The following MYO16 variants were observed in gnomAD, a reference collection of about 807,000 sequenced individuals.
MYO16 encodes the protein myosin XVI.
In MYO16, 94 loss-of-function variants were observed where a neutral mutation model predicts 205.3. That is an observed-to-expected ratio of 0.46 (90% CI 0.39 to 0.54). The LOEUF (loss-of-function observed/expected upper bound fraction) is 0.54, where lower values mean the gene tolerates loss of function less well. Ranked by LOEUF, MYO16 falls within the 20% of genes least tolerant of loss-of-function variation. The pLI is 0.00. For synonymous variants in MYO16, 988 were observed against 954.0 expected (o/e 1.04, Z -0.66); for missense variants, 2,315 against 2,387.5 (o/e 0.97, Z 0.63).
intron 2 of MYO16, among the ~76,000 whole-genome samples, chr13:108,701,782 A>G (rs1292531953): frequency 1.3e-5 from 2 of 152,160 alleles, no homozygotes; most frequent in Non-Finnish European, 1.5e-5. Flanking sequence ...GATCATAAAA[A>G]TGTTCAAATA....
intron 2 of MYO16, among the ~76,000 whole-genome samples, chr13:108,692,439 A>C (rs1364541968): frequency 6.6e-6 from 1 of 152,196 alleles, no homozygotes; most frequent in Non-Finnish European, 1.5e-5. Context: ...AATACTGTTG[A>C]TTTTGCCTTT....
intron 9 of MYO16, among the ~76,000 whole-genome samples, chr13:108,836,550 A>C (rs1384011652): frequency 6.6e-6 from 1 of 152,126 alleles, no homozygotes; most frequent in African/African-American, 2.4e-5. Flanking sequence ...TGCACCATGC[A>C]CCTGGAAAAG....
intron 2 of MYO16, among the ~76,000 whole-genome samples, chr13:108,712,120 T>C (rs1883746363): frequency 6.6e-6 from 1 of 152,214 alleles, no homozygotes; most frequent in Non-Finnish European, 1.5e-5. Context: ...AATTGGTATA[T>C]AGTTTGATGT....
Position 109,127,331 on chromosome 13 carries a change from G to T in MYO16, c.3832G>T (p.Val1278Phe). 1 of 1,610,010 alleles carries T rather than the reference G, an allele frequency of 6.2e-7. No homozygotes were observed. Among genetic ancestry groups the T allele is most frequent in the Non-Finnish European group, 8.5e-7 (1 of 1,176,868 alleles). ...GCATTTCCACCCCAGCTCCATGTCA[G>T]TCTGCGCGGCCGTGGATGGCCTGGG... Reference protein sequence around the residue: ...PRHFHPSSMSVCAAVDGLGQC... With the variant: ...PRHFHPSSMSFCAAVDGLGQC... The change falls in exon 31 of 35, where the codon GTC (valine) becomes TTC (phenylalanine). Residue 1278 changes from valine (V) to phenylalanine (F), a missense_variant. By Grantham distance (50) the Val-to-Phe change is conservative (BLOSUM62 -1). This residue lies in a region of MYO16 where 1,097 missense variants were observed against 1,092.0 expected (regional missense o/e 1.00). Coordinates refer to ENST00000457511, the MANE Select transcript of MYO16 (RefSeq NM_001198950.3). This position sits in a 1 kb window ranked among gnomAD's most constrained non-coding sequence, Gnocchi z 4.2.
chr13:108,593,572 G>A (rs748458659), upstream of MYO16, among the ~76,000 whole-genome samples: 1 of 152,262 alleles, frequency 6.6e-6, no homozygotes, highest in Non-Finnish European at 1.5e-5. Flanking sequence ...AAAGACTATG[G>A]TTTACATAGT....
At position 109,140,509 on chromosome 13, in the gene MYO16, G is replaced by C. The variant is rs1463338440; in HGVS notation, c.4297G>C (p.Val1433Leu). The C allele has an allele frequency of 1.9e-6, 3 of 1,552,168 alleles. No individual in the cohort carries two copies. The highest frequency in any genetic ancestry group is 1.7e-6 in the Non-Finnish European group (2 of 1,157,366). Residue 1433 changes from valine to leucine, a missense_variant, in exon 32 of 35, where the codon GTG becomes CTG. By Grantham distance (32) the Val-to-Leu change is conservative (BLOSUM62 1). This residue lies in a region of MYO16 where 1,097 missense variants were observed against 1,092.0 expected (regional missense o/e 1.00). Coordinates refer to ENST00000457511, the MANE Select transcript of MYO16 (RefSeq NM_001198950.3). This position sits in a 1 kb window ranked among gnomAD's most constrained non-coding sequence, Gnocchi z 8.0. ...GGGTGACGAGGACGACAGCGAGCCT[G>C]TGTACATCGAGATGCTGGGGCACGC... The part of the protein sequence containing the change: ...PPGDEDDSEP[V>L]YIEMLGHAAR...
chr13:108,846,506 G>A (rs1377920469), intron 10 of MYO16, among the ~76,000 whole-genome samples: 1 of 124,172 alleles, frequency 8.1e-6, no homozygotes, highest in Non-Finnish European at 1.7e-5. Flanking sequence ...ATACATGTGT[G>A]TATATACATA....
intron 9 of MYO16, among the ~76,000 whole-genome samples, chr13:108,836,064 T>C (rs920834700): frequency 3.3e-5 from 5 of 152,108 alleles, no homozygotes; most frequent in Admixed American, 2.6e-4. Context: ...GCAGCCCCTC[T>C]CATCACAGGC....
chr13:109,183,542 C>T (rs144061051), intron 34 of MYO16, among the ~76,000 whole-genome samples: 1 of 152,318 alleles, frequency 6.6e-6, no homozygotes, highest in Admixed American at 6.5e-5. Context: ...CATAGGCTAT[C>T]TCTATTTATG....
At chr13:108,759,113 CT>C (rs1885514159) in intron 4 of MYO16, among the ~76,000 whole-genome samples, 1 of 152,064 alleles carries the variant, frequency 6.6e-6, no homozygotes, top group African/African-American at 2.4e-5. Context: ...ATGAAAATCA[CT>C]CTTTGACAAA....
chr13:108,629,060 G>T (rs923370886), upstream of MYO16, among the ~76,000 whole-genome samples: 4 of 152,116 alleles, frequency 2.6e-5, no homozygotes, highest in African/African-American at 7.2e-5. Flanking sequence ...CATCCAGTTG[G>T]GTTGTACAGT....
the MYO16 span, among the ~76,000 whole-genome samples, chr13:108,516,482 G>A: frequency 3.3e-5 from 5 of 152,104 alleles, no homozygotes; most frequent in South Asian, 8.3e-4. Context: ...GTTCCTATTC[G>A]GCCATCTTGG....
chr13:108,788,263 G>A (rs746485465), intron 5 of MYO16, among the ~76,000 whole-genome samples: 9 of 152,040 alleles, frequency 5.9e-5, no homozygotes, highest in Non-Finnish European at 1.2e-4. Context: ...TGTCACCACC[G>A]ACTTACACTG....
chr13:108,833,602 T>G (rs1165505308), intron 9 of MYO16, among the ~76,000 whole-genome samples: 1 of 152,182 alleles, frequency 6.6e-6, no homozygotes, highest in African/African-American at 2.4e-5. Context: ...TATGGTTTTC[T>G]AAGATTGCTT....
chr13:108,897,950 C>T, intron 14 of MYO16, 66 bp from the exon 15 acceptor site: 1 of 1,218,894 alleles, frequency 8.2e-7, no homozygotes, highest in Non-Finnish European at 1.2e-6. Flanking sequence ...TGCATCGTCG[C>T]TATTACTCAT....
chr13:108,798,172 G>A (rs1236560613), intron 6 of MYO16, among the ~76,000 whole-genome samples: 1 of 152,256 alleles, frequency 6.6e-6, no homozygotes, highest in South Asian at 2.1e-4. Context: ...TCATTTCCTT[G>A]TGTTTTCTGT....
chr13:108,575,584 C>A, the MYO16 span, among the ~76,000 whole-genome samples: 12 of 152,144 alleles, frequency 7.9e-5, no homozygotes, highest in East Asian at 1.9e-4. Flanking sequence ...AGCACACTAG[C>A]GGATTTCCCC....
intron 16 of MYO16, among the ~76,000 whole-genome samples, chr13:108,939,632 A>G (rs1594411417): frequency 1.3e-5 from 2 of 152,216 alleles, no homozygotes; most frequent in South Asian, 4.1e-4. Context: ...TTATAGCTAA[A>G]TATTCTGATA....
chr13:108,912,699 G>C (rs765787542), intron 16 of MYO16, among the ~76,000 whole-genome samples: 1 of 151,876 alleles, frequency 6.6e-6, no homozygotes, highest in Non-Finnish European at 1.5e-5. Context: ...TGGATTCTGG[G>C]GATTGCATGT....
Sources: allele counts gnomAD v4.1 joint callset (sites outside exome capture counted in the v4.1 genomes callset), GRCh38; gene constraint gnomAD v4.1.1; regional missense constraint gnomAD v4.1.1; non-coding constraint Gnocchi (gnomAD v3.1); transcripts MANE v1.5; gene names NCBI Gene and HGNC (gene_info 2026-07-23, HGNC 2026-07-21).